KANK1: variants seen among roughly 807,000 people sequenced by gnomAD.
KANK1 encodes the protein KN motif and ankyrin repeat domains 1.
A neutral mutation model predicts 106.2 loss-of-function variants in KANK1; 109 were observed. The observed-to-expected ratio is 1.03, with a 90% CI of 0.88 to 1.20. KANK1 has a LOEUF of 1.20. KANK1 is among the 50% of genes most tolerant of loss of function. KANK1 has a pLI of 0.00. For missense variants in KANK1, 2,399 were observed against 1,710.7 expected, an observed-to-expected ratio of 1.40 and a Z score of -7.10; for synonymous variants, 873 against 652.2, an observed-to-expected ratio of 1.34 and a Z score of -5.16.
intron 1 of KANK1, among the ~76,000 whole-genome samples, chr9:571,016 A>T (rs1174746454): frequency 6.6e-6 from 1 of 152,152 alleles, no homozygotes; most frequent in Non-Finnish European, 1.5e-5. Context: ...TATATTTTTA[A>T]AAAACTACTC....
intron 10 of KANK1, among the ~76,000 whole-genome samples, chr9:743,530 G>A (rs1280035920): frequency 2.0e-5 from 3 of 152,200 alleles, no homozygotes; most frequent in Non-Finnish European, 4.4e-5. Flanking sequence ...AAAGAGAACT[G>A]TGTCCTGCTG....
chr9:705,423 T>A (rs1235173009), intron 2 of KANK1, among the ~76,000 whole-genome samples: 1 of 151,358 alleles, frequency 6.6e-6, no homozygotes, highest in African/African-American at 2.4e-5. Flanking sequence ...GAGGTGGAGG[T>A]TGCAGTGAGC....
intron 1 of KANK1, among the ~76,000 whole-genome samples, chr9:641,647 A>C (rs1838458479): frequency 6.6e-6 from 1 of 152,154 alleles, no homozygotes; most frequent in Non-Finnish European, 1.5e-5. Context: ...TTGATGGAGG[A>C]ATGATTCAGT....
At chr9:692,949 C>T (rs1471525215) in intron 2 of KANK1, among the ~76,000 whole-genome samples, 1 of 152,062 alleles carries the variant, frequency 6.6e-6, no homozygotes, top group Non-Finnish European at 1.5e-5. Flanking sequence ...CTACAGTGAG[C>T]TGTGATTGCA....
Position 489,914 on chromosome 9 carries a change from C to T in KANK1, c.-362+16641C>T, listed in dbSNP as rs547356812. 2.4e-3 allele frequency among the ~76,000 whole-genome samples: 368 copies of T among 152,226 alleles called. 1 individual carries two copies. Among genetic ancestry groups the T allele is most frequent in the Non-Finnish European group, 3.9e-3 (266 of 68,024 alleles). ...GCTGACCTTGTATTAAACAATACCT[C>T]TATGTCTGGGGGAACAAAACCGTAC... is the stretch of plus-strand genomic sequence containing the variant. On this transcript the variant is annotated intron_variant, in intron 3 of 15. Transcript: ENST00000382303.
chr9:532,364 C>CTTTT (rs1187078952), intron 1 of KANK1, among the ~76,000 whole-genome samples: 1,757 of 81,784 alleles, frequency 0.021, 76 homozygotes, highest in Admixed American at 0.038. Context: ...GCCTCAAGCA[C>CTTTT]TTTTTTTTTT....
intron 1 of KANK1, among the ~76,000 whole-genome samples, chr9:635,694 CT>C (rs1162836319): frequency 2.3e-3 from 233 of 103,346 alleles, no homozygotes; most frequent in Non-Finnish European, 2.8e-3. Context: ...CCTTTTTATT[CT>C]TTTTTTTTTT....
chr9:565,565 C>T lies in KANK1; in HGVS notation c.-84+60811C>T, dbSNP rs73373036. ...GGTTTTTCAAGGATAGTTCGGTGGA[C>T]AGGGGACTATAGAATGGATGTTGCT... is the stretch of plus-strand genomic sequence containing the variant. On this transcript the variant is annotated intron_variant, in intron 1 of 11. Transcript: ENST00000382297. Among the ~76,000 whole-genome samples, 993 of 152,266 alleles carry T rather than the reference C, an allele frequency of 6.5e-3. 14 individuals carry two copies. The highest frequency in any genetic ancestry group is 0.022 in the African/African-American group (933 of 41,538).
intron 1 of KANK1, among the ~76,000 whole-genome samples, chr9:676,381 G>A (rs1816418140): frequency 6.6e-6 from 1 of 152,152 alleles, no homozygotes; most frequent in Admixed American, 6.5e-5. Flanking sequence ...GCTTTAGAAA[G>A]GTGGTTGCAT....
Position 738,448 on chromosome 9 carries a change from TCCATTACAGCGTGTC to T in KANK1, c.3501_3515del (p.Tyr1168_His1172del). On this transcript the variant is annotated inframe_deletion, in exon 8 of 12. Transcript: ENST00000382297. The stretch of plus-strand genomic sequence containing the variant: ...GCAGACGGCAACGGCAACACAGCCC[TCCATTACAGCGTGTC>T]CCACTCCAACTTCGAGATTGTGAAG... 6.2e-7 allele frequency: 1 copy of T among 1,614,116 alleles called. No homozygotes were observed. The highest frequency in any genetic ancestry group is 8.5e-7 in the Non-Finnish European group (1 of 1,180,020).
chr9:548,249 A>C (rs2061052371), intron 1 of KANK1, among the ~76,000 whole-genome samples: 1 of 152,188 alleles, frequency 6.6e-6, no homozygotes, highest in Non-Finnish European at 1.5e-5. Context: ...ATCTTCAGTA[A>C]AAGTGGTTAC....
At chr9:660,248 C>T (rs1842997429) in intron 1 of KANK1, 2 of 247,302 alleles carry the variant, frequency 8.1e-6, no homozygotes, top group South Asian at 1.3e-4. Context: ...TACAGGGTGA[C>T]CAGCACAAGA....
chr9:562,049 T>TTC (rs1201151037), intron 1 of KANK1, among the ~76,000 whole-genome samples: 9 of 139,908 alleles, frequency 6.4e-5, no homozygotes, highest in Non-Finnish European at 1.3e-4. Flanking sequence ...TTTCTTTTTT[T>TTC]TTTTTTTTTT....
rs559769066 is a variant in KANK1, at chr9:648,062, G to T, written c.-83-28828G>T. On this transcript the variant is annotated intron_variant, in intron 1 of 11. Transcript: ENST00000382297. ...TGTCGCCAGGCTGGAGTGGTGCAGT[G>T]GTGCAATCTTGGCTCACTGCAACCT... Among the ~76,000 whole-genome samples, 6 of 144,356 alleles carry T rather than the reference G, an allele frequency of 4.2e-5. No homozygotes were observed. The East Asian group carries it at 1.0e-3, about 24-fold the overall frequency. The allele number at this position is 144,356 out of a possible 152,430, so 94.7% of individuals were successfully genotyped here.
At position 727,708 on chromosome 9, in the gene KANK1, GTGTGTGTGTA is replaced by G. The variant is rs1051725758; in HGVS notation, c.2699-2333_2699-2324del. Among the ~76,000 whole-genome samples the G allele has an allele frequency of 2.0e-4, 30 of 151,762 alleles. 1 individual carries two copies. The highest frequency in any genetic ancestry group is 7.0e-4 in the African/African-American group (29 of 41,318). ...TGTGTGTGTGTGTGTGTGTGTGTGT[GTGTGTGTGTA>G]TGTGTGTGTGTGGTAATGTATTTTA... On this transcript the variant is annotated intron_variant, in intron 3 of 11. Coordinates refer to ENST00000382297, the MANE Select transcript of KANK1 (RefSeq NM_015158.5).
At chr9:584,087 A>G (rs7028792) in intron 1 of KANK1, among the ~76,000 whole-genome samples, 10,087 of 152,168 alleles carry the variant, frequency 0.066, 879 homozygotes, top group East Asian at 0.23. Flanking sequence ...ATAGTGAAGG[A>G]TATCTTTCTC....
chr9:656,694 C>G (rs1842215478), intron 1 of KANK1, among the ~76,000 whole-genome samples: 1 of 152,110 alleles, frequency 6.6e-6, no homozygotes, highest in Non-Finnish European at 1.5e-5. Context: ...TGAAGAATCA[C>G]TAAAGGGATG....
At chr9:480,217 T>C (rs2058180273) in intron 3 of KANK1, among the ~76,000 whole-genome samples, 1 of 152,236 alleles carries the variant, frequency 6.6e-6, no homozygotes, top group Non-Finnish European at 1.5e-5. Context: ...TACTTAGGTC[T>C]ATCATATACT....
chr9:599,104 C>T (rs558292955), intron 1 of KANK1, among the ~76,000 whole-genome samples: 45 of 150,148 alleles, frequency 3.0e-4, no homozygotes, highest in Admixed American at 7.9e-4. Context: ...CCACAGCCTC[C>T]ACCTCCCAGG....
Sources: gnomAD v4.1 joint callset for allele counts (sites outside exome capture counted in the v4.1 genomes callset) on GRCh38, gnomAD v4.1.1 for gene constraint, MANE v1.5 for transcripts, NCBI Gene and HGNC (gene_info 2026-07-23, HGNC 2026-07-21) for gene names.